Variants in NFASC observed in about 807,000 individuals in gnomAD.
The protein encoded by NFASC is neurofascin, also known as neurofascin homolog.
A neutral mutation model predicts 147.5 loss-of-function variants in NFASC; 43 were observed. The observed-to-expected ratio is 0.29, with a 90% CI of 0.23 to 0.38. NFASC has a LOEUF of 0.38. NFASC is among the 10% of genes least tolerant of loss of function. The probability of loss-of-function intolerance (pLI) is 1.00; values close to 1 mark genes in which losing one functional copy is unlikely to be tolerated. For synonymous variants in NFASC, 622 were observed against 665.5 expected (o/e 0.93, Z 1.01); for missense variants, 1,320 against 1,689.0 (o/e 0.78, Z 3.83).
chr1:204,995,194 C>T (rs1345628818), intron 24 of NFASC, among the ~76,000 whole-genome samples: 1 of 152,170 alleles, frequency 6.6e-6, no homozygotes, highest in African/African-American at 2.4e-5. Context: ...GCCAGCAGCA[C>T]AGAGCAGCGG....
Position 204,993,856 on chromosome 1 carries a change from A to G in NFASC, c.2782+2550A>G, listed in dbSNP as rs1489584107. The G allele has an allele frequency of 2.2e-5, 11 of 490,224 alleles. No homozygotes were observed. The Admixed American group carries it at 2.3e-4, about 10-fold the overall frequency. The allele number at this position is 490,224 out of a possible 1,614,324, so 30.4% of individuals were successfully genotyped here. A position where few individuals can be genotyped will look rare whatever the true frequency, so the allele number is the denominator to read the frequency against. ...CTATCCTCTCCTCCACCTCAGCCCC[A>G]GGGGATGAAATAATCTGAATCTCCT... is the stretch of plus-strand genomic sequence containing the variant. On this transcript the variant is annotated intron_variant, in intron 24 of 29. Transcript: ENST00000339876.
At chr1:204,946,192 C>T in intron 3 of NFASC, 1 of 411,012 alleles carries the variant, frequency 2.4e-6, no homozygotes, top group Admixed American at 2.5e-5. Flanking sequence ...CCTTTGCTAG[C>T]TTAGAGTCAC....
chr1:204,941,535 G>A (rs915934765), intron 2 of NFASC, among the ~76,000 whole-genome samples: 35 of 152,254 alleles, frequency 2.3e-4, no homozygotes, highest in African/African-American at 7.9e-4. Flanking sequence ...CATGGTGGTC[G>A]TGGAGCCCGG....
intron 1 of NFASC, among the ~76,000 whole-genome samples, chr1:204,849,536 G>T (rs2075480699): frequency 1.3e-5 from 2 of 152,194 alleles, no homozygotes; most frequent in South Asian, 2.1e-4. Context: ...CACAGGTTCT[G>T]CTGATGCTGC....
rs1172601163 is a variant in NFASC, at chr1:204,988,117, G to A, written c.2594-516G>A. Among the ~76,000 whole-genome samples, 8 of 152,224 alleles carry A rather than the reference G, an allele frequency of 5.3e-5. No individual in the cohort carries two copies. In the East Asian group the frequency reaches 1.3e-3, roughly 26 times the overall value. ...CCTTCAAAAGTAGGTAACGTACCTC[G>A]TTAGGAAACTCAAAGAGCCAAATGT... is the stretch of plus-strand genomic sequence containing the variant. On this transcript the variant is annotated intron_variant, in intron 22 of 29. Transcript: ENST00000339876.
At position 204,851,972 on chromosome 1, in the gene NFASC, G is replaced by T. The variant is rs61283125; in HGVS notation, c.-200+23190G>T. The stretch of plus-strand genomic sequence containing the variant: ...GGTCTGAAAATCATGAAGAACAGGT[G>T]AGTATAGTAGTTTTCTAGGAGTGAG... On this transcript the variant is annotated intron_variant, in intron 1 of 29. Coordinates refer to ENST00000339876, the MANE Select transcript of NFASC (RefSeq NM_001005388.3). 5.9e-5 allele frequency among the ~76,000 whole-genome samples: 9 copies of T among 152,330 alleles called. No individual in the cohort carries two copies. In the East Asian group the frequency reaches 1.7e-3, roughly 29 times the overall value.
At chr1:204,909,183 C>A (rs2149303702) in intron 1 of NFASC, among the ~76,000 whole-genome samples, 1 of 152,298 alleles carries the variant, frequency 6.6e-6, no homozygotes, top group African/African-American at 2.4e-5. Context: ...GACGCTGTAC[C>A]ATTTTACATT....
At chr1:204,919,107 C>G (rs1354847054) in intron 1 of NFASC, among the ~76,000 whole-genome samples, 1 of 152,092 alleles carries the variant, frequency 6.6e-6, no homozygotes, top group Non-Finnish European at 1.5e-5. Context: ...TCACTGCAAC[C>G]TCTGCCTCCC....
intron 1 of NFASC, among the ~76,000 whole-genome samples, chr1:204,849,009 C>T (rs1402035504): frequency 6.6e-6 from 1 of 152,224 alleles, no homozygotes; most frequent in Non-Finnish European, 1.5e-5. Flanking sequence ...GCAGGCCTGT[C>T]CCTGGGGACA....
intron 1 of NFASC, among the ~76,000 whole-genome samples, chr1:204,829,710 G>A (rs1029713577): frequency 3.3e-5 from 5 of 152,198 alleles, no homozygotes; most frequent in Admixed American, 2.6e-4. Context: ...TGGGGAAGGG[G>A]CAGGGTCCAG....
intron 1 of NFASC, among the ~76,000 whole-genome samples, chr1:204,888,550 T>C (rs972961462): frequency 6.6e-5 from 10 of 152,226 alleles, no homozygotes; most frequent in African/African-American, 2.4e-4. Context: ...TGGAATCTTC[T>C]GGATTTTTGA....
At chr1:204,926,036 A>C (rs548016239) in intron 2 of NFASC, among the ~76,000 whole-genome samples, 262 of 151,782 alleles carry the variant, frequency 1.7e-3, no homozygotes, top group African/African-American at 6.0e-3. Context: ...TTTACTGTGG[A>C]GATAGAGACC....
intron 2 of NFASC, among the ~76,000 whole-genome samples, chr1:204,942,346 G>A (rs2093415612): frequency 1.3e-5 from 2 of 152,186 alleles, no homozygotes; most frequent in Non-Finnish European, 2.9e-5. Flanking sequence ...ATGATGTACC[G>A]AGGGAGCTGG....
At chr1:204,924,038 C>T (rs2149478797) in intron 2 of NFASC, among the ~76,000 whole-genome samples, 1 of 152,364 alleles carries the variant, frequency 6.6e-6, no homozygotes, top group South Asian at 2.1e-4. Context: ...AAGGTTTCCT[C>T]CACACCACTG....
intron 21 of NFASC, among the ~76,000 whole-genome samples, chr1:204,982,769 C>T (rs1189759155): frequency 1.3e-5 from 2 of 152,188 alleles, no homozygotes; most frequent in Non-Finnish European, 2.9e-5. Flanking sequence ...AGGGCCTTTG[C>T]GCCCTGTTGA....
chr1:204,988,351 A>C (rs977360327), intron 22 of NFASC, among the ~76,000 whole-genome samples: 1 of 152,242 alleles, frequency 6.6e-6, no homozygotes, highest in Non-Finnish European at 1.5e-5. Flanking sequence ...AAAGGGCTTA[A>C]GAATATAAAC....
In NFASC at chr1:205,018,126, A is replaced by C. The variant is rs1460592633; in HGVS notation, c.*1587A>C. The stretch of plus-strand genomic sequence containing the variant: ...CTAATGCATTTTTGAAACCAAAGGT[A>C]CCTAGCCTCAGAGACAGAGAAGGAG... On this transcript the variant is annotated 3_prime_UTR_variant, in exon 30 of 30. Coordinates refer to ENST00000339876, the MANE Select transcript of NFASC (RefSeq NM_001005388.3). The C allele has an allele frequency of 6.5e-6, 1 of 152,752 alleles. No individual in the cohort carries two copies. The highest frequency in any genetic ancestry group is 1.5e-5 in the Non-Finnish European group (1 of 68,076). 9.5% of individuals were successfully genotyped at this position (152,752 alleles called of 1,614,324 possible).
At chr1:204,909,349 C>CTGATGATGA (rs916139024) in intron 1 of NFASC, among the ~76,000 whole-genome samples, 2 of 152,116 alleles carry the variant, frequency 1.3e-5, no homozygotes, top group African/African-American at 4.8e-5. Flanking sequence ...CCCCCAGTGG[C>CTGATGATGA]TGATGATGTT....
At chr1:204,852,494 C>T (rs2075782592) in intron 1 of NFASC, among the ~76,000 whole-genome samples, 2 of 152,124 alleles carry the variant, frequency 1.3e-5, no homozygotes, top group Admixed American at 6.5e-5. Flanking sequence ...AGTGAAACTC[C>T]GTCTGAAAAA....
Sources: allele counts gnomAD v4.1 joint callset (sites outside exome capture counted in the v4.1 genomes callset), GRCh38; gene constraint gnomAD v4.1.1; transcripts MANE v1.5; gene names NCBI Gene and HGNC (gene_info 2026-07-23, HGNC 2026-07-21).